Variants in CLK1 observed in about 807,000 individuals in gnomAD.
The protein encoded by CLK1 is CDC like kinase 1.
Under a neutral mutation model 60.9 loss-of-function variants are expected in CLK1, and 40 were observed. That is an observed-to-expected ratio of 0.66 (90% CI 0.51 to 0.86). CLK1 has a LOEUF of 0.86. Ranked by LOEUF, CLK1 falls within the 40% of genes least tolerant of loss-of-function variation. The pLI, the probability that CLK1 is intolerant of heterozygous loss-of-function variation, is 0.00. For synonymous variants in CLK1, 203 were observed against 184.4 expected (o/e 1.10, Z -0.82); for missense variants, 563 against 606.1 (o/e 0.93, Z 0.75).
In CLK1 at chr2:200,857,773, T is replaced by C. The variant is rs2039067738; in HGVS notation, c.777A>G (p.Pro259=). The C allele has an allele frequency of 6.2e-7, 1 of 1,612,934 alleles. No homozygotes were observed. The highest frequency in any genetic ancestry group is 8.5e-7 in the Non-Finnish European group (1 of 1,179,438). The stretch of plus-strand genomic sequence containing the variant: ...TCTTTCTGATATGATCCAGTCGAAA[T>C]GGTAGAAAACCATTTTCTTTAATGA... ...YDFIKENGFL[P]FRLDHIRKMA... is the part of the protein sequence containing the mutation. The change falls in exon 7 of 13, where the codon CCA becomes CCG. Residue 259 remains proline, a synonymous_variant. Transcript: ENST00000321356.
intron 3 of CLK1, chr2:200,860,448 A>AT: frequency 7.9e-7 from 1 of 1,261,700 alleles, no homozygotes; most frequent in Non-Finnish European, 1.0e-6. Flanking sequence ...TTCAGATAAG[A>AT]TACTCAAAGT....
In CLK1 at chr2:200,857,970, T is replaced by TA. The variant is rs2039070790; in HGVS notation, c.665+2dup. On this transcript the variant is annotated splice_region_variant and intron_variant, in intron 6 of 12. Coordinates refer to ENST00000321356, the MANE Select transcript of CLK1 (RefSeq NM_004071.4). ...ACTTCCCAAGTTCTAATCTGATACT[T>TA]ACAAAGTACTGTTGGGGTCTGTTGT... The TA allele has an allele frequency of 5.0e-6, 8 of 1,613,310 alleles. No homozygotes were observed. The highest frequency in any genetic ancestry group is 6.8e-6 in the Non-Finnish European group (8 of 1,179,314).
In CLK1 at chr2:200,861,319, C is replaced by G; in HGVS notation, c.309G>C (p.Lys103Asn). The change falls in exon 3 of 13, where the codon AAG becomes AAC. Residue 103 changes from lysine to asparagine, a missense_variant. Physicochemically the swap from Lys to Asn is moderately conservative, Grantham distance 94. Coordinates refer to ENST00000321356, the MANE Select transcript of CLK1 (RefSeq NM_004071.4). ...HESRYQNHSS[K>N]SSGRSGRSSY... is the part of the protein sequence containing the mutation. ...TACTTCTTCCACTTCTACCAGAAGA[C>G]TTGCTACTATGGTTCTGATACCGGC... 1.2e-6 allele frequency: 2 copies of G among 1,614,144 alleles called. No individual in the cohort carries two copies. The highest frequency in any genetic ancestry group is 1.7e-6 in the Non-Finnish European group (2 of 1,180,010).
intron 2 of CLK1, 35 bp from the exon 3 acceptor site, chr2:200,861,501 CTAA>C: frequency 6.2e-7 from 1 of 1,605,104 alleles, no homozygotes; most frequent in Non-Finnish European, 8.5e-7. Context: ...ATGTTTTATG[CTAA>C]GACCAAATAT....
At chr2:200,854,731 AC>A in intron 10 of CLK1, 36 bp from the exon 11 acceptor site, 1 of 1,416,044 alleles carries the variant, frequency 7.1e-7, no homozygotes, top group Non-Finnish European at 1.0e-6. Context: ...GGGGAAGATG[AC>A]CACCAAAACA....
chr2:200,857,334 T>C, intron 7 of CLK1: 1 of 262,784 alleles, frequency 3.8e-6, no homozygotes, highest in Non-Finnish European at 7.2e-6. Context: ...ACAAAAAACC[T>C]CTGATTCCTT....
intron 12 of CLK1, among the ~76,000 whole-genome samples, 187 bp downstream of exon 12, chr2:200,853,716 A>T (rs1559325173): frequency 7.0e-6 from 1 of 142,102 alleles, no homozygotes; most frequent in African/African-American, 2.6e-5. Context: ...GCGTGGTGGC[A>T]TCCATCTGTA....
intron 1 of CLK1, chr2:200,864,200 C>T: frequency 6.5e-7 from 1 of 1,550,206 alleles, no homozygotes; most frequent in East Asian, 2.4e-5. Context: ...GCCACAGGGC[C>T]GAAGCCGGCC....
intron 8 of CLK1, 25 bp from the exon 9 acceptor site, chr2:200,856,836 G>C: frequency 1.2e-6 from 2 of 1,612,628 alleles, no homozygotes; most frequent in South Asian, 2.2e-5. Flanking sequence ...TGATGGTTAA[G>C]AAGGCATAAG....
intron 7 of CLK1, chr2:200,857,479 C>T (rs898762239): frequency 2.0e-5 from 7 of 357,468 alleles, no homozygotes; most frequent in Admixed American, 8.5e-5. Context: ...ACTATTTTTG[C>T]GCATCAGAAA....
chr2:200,858,967 G>A (rs1315502166), intron 5 of CLK1, among the ~76,000 whole-genome samples: 1 of 151,758 alleles, frequency 6.6e-6, no homozygotes, highest in African/African-American at 2.4e-5. Context: ...CTGAGGTCAG[G>A]AGTTCGAGAC....
At chr2:200,858,670 C>T (rs147660591) in intron 5 of CLK1, among the ~76,000 whole-genome samples, 3 of 151,950 alleles carry the variant, frequency 2.0e-5, no homozygotes, top group East Asian at 3.9e-4. Context: ...GCACTCCAGC[C>T]TGGGCGACAG....
At chr2:200,855,559 A>G (rs1482111908) in intron 9 of CLK1, among the ~76,000 whole-genome samples, 1 of 151,612 alleles carries the variant, frequency 6.6e-6, no homozygotes, top group Non-Finnish European at 1.5e-5. Flanking sequence ...CCATAGGCGG[A>G]GCTTGCGGTG....
chr2:200,859,283 T>A (rs909587761), intron 5 of CLK1, among the ~76,000 whole-genome samples: 1 of 152,192 alleles, frequency 6.6e-6, no homozygotes, highest in South Asian at 2.1e-4. Context: ...ATTACAGCAC[T>A]TCCTAAAAAT....
In CLK1 at chr2:200,861,313, A is replaced by G. The variant is rs891441284; in HGVS notation, c.315T>C (p.Ser105=). 2 of 1,614,046 alleles carry G rather than the reference A, an allele frequency of 1.2e-6. No individual in the cohort carries two copies. Among genetic ancestry groups the G allele is most frequent in the Middle Eastern group, 1.6e-4 (1 of 6,084 alleles). Reference sequence around the variant, plus strand: ...TATAACTACTTCTTCCACTTCTACCAGAAGACTTGCTACTATGGTTCTGAT... The same window carrying G: ...TATAACTACTTCTTCCACTTCTACCGGAAGACTTGCTACTATGGTTCTGAT... The part of the protein sequence containing the change: ...SRYQNHSSKS[S]GRSGRSSYKS... Residue 105 remains serine (S), a synonymous_variant, in exon 3 of 13, where the codon TCT becomes TCC. Coordinates refer to ENST00000321356, the MANE Select transcript of CLK1 (RefSeq NM_004071.4).
chr2:200,859,489 T>C (rs578188388), intron 5 of CLK1, among the ~76,000 whole-genome samples, 191 bp downstream of exon 5: 3 of 152,272 alleles, frequency 2.0e-5, no homozygotes, highest in African/African-American at 7.2e-5. Flanking sequence ...AAATTAGAAA[T>C]TATACATACT....
chr2:200,860,939 CA>C (rs1460003894), intron 3 of CLK1: 20 of 1,139,306 alleles, frequency 1.8e-5, no homozygotes, highest in Admixed American at 4.6e-5. Flanking sequence ...TGAAGTACCA[CA>C]AAAAACCCTT....
intron 7 of CLK1, 137 bp from the exon 8 acceptor site, chr2:200,857,122 A>G (rs1167021674): frequency 3.0e-6 from 2 of 674,888 alleles, no homozygotes; most frequent in African/African-American, 3.6e-5. Context: ...CCTGACCAAT[A>G]TGGTGAAACC....
chr2:200,853,504 C>G (rs2038981151), intron 12 of CLK1, 55 bp from the exon 13 acceptor site: 1 of 1,484,226 alleles, frequency 6.7e-7, no homozygotes, highest in Admixed American at 1.9e-5. Context: ...ATTGACTACA[C>G]TATGTAACAG....
Sources: allele counts gnomAD v4.1 joint callset (sites outside exome capture counted in the v4.1 genomes callset), GRCh38; gene constraint gnomAD v4.1.1; transcripts MANE v1.5; gene names NCBI Gene and HGNC (gene_info 2026-07-23, HGNC 2026-07-21).